The following CFAP54 variants were observed in gnomAD, a reference collection of about 807,000 sequenced individuals.
The protein encoded by CFAP54 is cilia and flagella associated protein 54.
Under a neutral mutation model 370.4 loss-of-function variants are expected in CFAP54, and 290 were observed. That is an observed-to-expected ratio of 0.78 (90% CI 0.71 to 0.86). CFAP54 has a LOEUF of 0.86. Among genes scored for constraint, CFAP54 ranks in the 40% least tolerant of loss-of-function variants. The pLI is 0.00. For synonymous variants in CFAP54, 1,206 were observed against 1,236.5 expected (o/e 0.98, Z 0.52); for missense variants, 3,399 against 3,528.7 (o/e 0.96, Z 0.93).
rs561302244 is a variant in CFAP54, at chr12:96,811,626, C to G, written c.8851-110C>G. 1.5e-5 allele frequency: 9 copies of G among 591,298 alleles called. 1 individual carries two copies. The African/African-American group carries it at 1.8e-4, about 12-fold the overall frequency. 36.6% of individuals were successfully genotyped at this position (591,298 alleles called of 1,614,324 possible). A position where few individuals can be genotyped will look rare whatever the true frequency, so the allele number is the denominator to read the frequency against. On this transcript the variant is annotated intron_variant, in intron 63 of 67. Coordinates refer to ENST00000524981, the MANE Select transcript of CFAP54 (RefSeq NM_001306084.2). Reference sequence around the variant, plus strand: ...GAAAACCCAATTTTTCTCTTCTAAACAAATACTTTTCAAAGTACAGTGATA... The same window carrying G: ...GAAAACCCAATTTTTCTCTTCTAAAGAAATACTTTTCAAAGTACAGTGATA...
rs542094753 is a variant in CFAP54, at chr12:96,783,832, G to T, written c.8282-885G>T. ...ACCCGGGAGGAGAAGGTTGCGGTGA[G>T]CCAAGATTGTGCCATTGCACTCCAG... On this transcript the variant is annotated intron_variant, in intron 60 of 67. Transcript: ENST00000524981. 2.0e-3 allele frequency among the ~76,000 whole-genome samples: 302 copies of T among 152,280 alleles called. 1 individual carries two copies. The Middle Eastern group carries it at 0.02, about 10-fold the overall frequency.
intron 65 of CFAP54, among the ~76,000 whole-genome samples, chr12:96,819,229 T>G (rs533105702): frequency 9.9e-5 from 15 of 152,220 alleles, no homozygotes; most frequent in Non-Finnish European, 2.2e-4. Context: ...ACCTGCTTCA[T>G]GTCTCCTCAT....
At chr12:96,664,721 ATATCTATATATATATATC>A (rs1957048548) in intron 39 of CFAP54, among the ~76,000 whole-genome samples, 3 of 13,198 alleles carry the variant, frequency 2.3e-4, no homozygotes, top group Non-Finnish European at 3.2e-4. Flanking sequence ...ATATCTATAT[ATATCTATATATATATATC>A]TATATATATA....
intron 19 of CFAP54, among the ~76,000 whole-genome samples, chr12:96,576,078 A>G (rs1357777439): frequency 6.6e-6 from 1 of 152,058 alleles, no homozygotes; most frequent in African/African-American, 2.4e-5. Flanking sequence ...CCTTTCCATC[A>G]GCTTCACAGA....
intron 39 of CFAP54, 81 bp from the exon 40 acceptor site, chr12:96,679,519 T>G (rs10860066): frequency 0.17 from 245,116 of 1,425,120 alleles, 25,491 homozygotes; most frequent in East Asian, 0.52. Context: ...CAAGAAATTC[T>G]CTGAATTATA....
chr12:96,838,486 G>A (rs1959193501), intron 66 of CFAP54, among the ~76,000 whole-genome samples: 1 of 152,060 alleles, frequency 6.6e-6, no homozygotes, highest in African/African-American at 2.4e-5. Flanking sequence ...GGCTGGGGAG[G>A]CCTCAAGAAA....
At chr12:96,859,176 A>G (rs1172775585) in intron 66 of CFAP54, among the ~76,000 whole-genome samples, 2 of 152,180 alleles carry the variant, frequency 1.3e-5, no homozygotes, top group African/African-American at 2.4e-5. Flanking sequence ...TCTTCAATAA[A>G]TGGTGCTGGG....
chr12:96,844,511 C>G (rs1335202202), intron 66 of CFAP54, among the ~76,000 whole-genome samples: 1 of 152,152 alleles, frequency 6.6e-6, no homozygotes, highest in Non-Finnish European at 1.5e-5. Context: ...AGATTTCCAA[C>G]CTACAGGGCT....
intron 56 of CFAP54, among the ~76,000 whole-genome samples, chr12:96,756,100 A>T (rs945630816): frequency 2.6e-5 from 4 of 152,182 alleles, no homozygotes; most frequent in African/African-American, 9.7e-5. Flanking sequence ...TCTGTGAAGG[A>T]GACAGGGGAA....
rs755006056 is a variant in CFAP54, at chr12:96,626,872, T to C, written c.4036T>C (p.Cys1346Arg). ...LEFFTQVMLKCMNEEKFHLMV... is the reference protein window; with the variant it reads ...LEFFTQVMLKRMNEEKFHLMV... Reference sequence around the variant, plus strand: ...ATTCTTTACACAAGTTATGCTAAAATGCATGAATGAGGAAAAATTTCATCT... The same window carrying C: ...ATTCTTTACACAAGTTATGCTAAAACGCATGAATGAGGAAAAATTTCATCT... Residue 1346 changes from cysteine to arginine, a missense_variant, in exon 30 of 68, where the codon TGC (cysteine) becomes CGC (arginine). Cys to Arg is a radical substitution (Grantham distance 180). Transcript: ENST00000524981. 1.4e-6 allele frequency: 2 copies of C among 1,430,940 alleles called. No homozygotes were observed. 88.6% of individuals were successfully genotyped at this position (1,430,940 alleles called of 1,614,324 possible).
chr12:96,829,193 C>A, intron 66 of CFAP54, 105 bp downstream of exon 66: 2 of 544,884 alleles, frequency 3.7e-6, no homozygotes, highest in Non-Finnish European at 3.1e-6. Flanking sequence ...GGGCCTAACC[C>A]TCCTTATTAA....
chr12:96,848,634 G>A (rs1037646510), intron 66 of CFAP54, among the ~76,000 whole-genome samples: 10 of 152,262 alleles, frequency 6.6e-5, no homozygotes, highest in Admixed American at 3.9e-4. Flanking sequence ...GGAGGTGGAG[G>A]TTGCAGTGAT....
chr12:96,844,683 G>A (rs764154501), intron 66 of CFAP54, among the ~76,000 whole-genome samples: 6 of 152,186 alleles, frequency 3.9e-5, no homozygotes, highest in Non-Finnish European at 8.8e-5. Flanking sequence ...TTTTACATGT[G>A]AGAAACTGAG....
chr12:96,675,573 C>A (rs1235363732), intron 39 of CFAP54, among the ~76,000 whole-genome samples: 1 of 152,136 alleles, frequency 6.6e-6, no homozygotes, highest in Non-Finnish European at 1.5e-5. Context: ...TTTGACCCAG[C>A]CATCCCATTA....
intron 19 of CFAP54, among the ~76,000 whole-genome samples, chr12:96,575,504 G>T (rs1250675881): frequency 6.6e-6 from 1 of 151,998 alleles, no homozygotes; most frequent in Non-Finnish European, 1.5e-5. Context: ...GAATGTTCCA[G>T]AGTGCTTAAA....
chr12:96,680,750 T>C (rs1957259822), intron 40 of CFAP54, among the ~76,000 whole-genome samples: 1 of 152,040 alleles, frequency 6.6e-6, no homozygotes, highest in Admixed American at 6.5e-5. Flanking sequence ...TAGTTCTCCA[T>C]ATCCTGTTTG....
At chr12:96,565,300 C>A (rs1053581490) in intron 19 of CFAP54, among the ~76,000 whole-genome samples, 1 of 152,066 alleles carries the variant, frequency 6.6e-6, no homozygotes, top group African/African-American at 2.4e-5. Context: ...GTGGCGCAGT[C>A]CTAGATCACT....
At chr12:96,789,888 G>A (rs557261591) in intron 62 of CFAP54, among the ~76,000 whole-genome samples, 12 of 152,042 alleles carry the variant, frequency 7.9e-5, no homozygotes, top group Non-Finnish European at 5.9e-5. Flanking sequence ...AAAGCCTTTC[G>A]GATTTATATA....
chr12:96,702,990 C>G (rs948838091), intron 46 of CFAP54, among the ~76,000 whole-genome samples: 1 of 152,142 alleles, frequency 6.6e-6, no homozygotes, highest in Non-Finnish European at 1.5e-5. Flanking sequence ...ATTAAACTCT[C>G]TTTAATGTAT....
Sources: allele counts gnomAD v4.1 joint callset (sites outside exome capture counted in the v4.1 genomes callset), GRCh38; gene constraint gnomAD v4.1.1; transcripts MANE v1.5; gene names NCBI Gene and HGNC (gene_info 2026-07-23, HGNC 2026-07-21).